The following MAP3K8 variants were observed in gnomAD, a reference collection of about 807,000 sequenced individuals.
The protein encoded by MAP3K8 is Ewing sarcoma transformant.
In MAP3K8, 22 loss-of-function variants were observed where a neutral mutation model predicts 45.8. The ratio of observed to expected loss-of-function variants is 0.48; its 90% CI spans 0.34 to 0.69. The LOEUF (loss-of-function observed/expected upper bound fraction) is 0.69. Among genes scored for constraint, MAP3K8 ranks in the 30% least tolerant of loss-of-function variants. The pLI, the probability that MAP3K8 is intolerant of heterozygous loss-of-function variation, is 0.01. For synonymous variants in MAP3K8, 223 were observed against 214.3 expected, an observed-to-expected ratio of 1.04 and a Z score of -0.36; for missense variants, 419 against 585.0, an observed-to-expected ratio of 0.72 and a Z score of 2.93.
intron 3 of MAP3K8, among the ~76,000 whole-genome samples, chr10:30,440,419 T>A (rs1836061673): frequency 6.6e-6 from 1 of 152,158 alleles, no homozygotes; most frequent in African/African-American, 2.4e-5. Context: ...ATTATTTTGC[T>A]TTTTTGCATA....
intron 1 of MAP3K8, among the ~76,000 whole-genome samples, chr10:30,436,373 T>A (rs759893157): frequency 7.9e-5 from 12 of 152,142 alleles, no homozygotes; most frequent in Admixed American, 6.5e-4. Context: ...GAACGTAGAT[T>A]TGCGTGACAG....
In MAP3K8 at chr10:30,444,204, T is replaced by A. The variant is rs769785247; in HGVS notation, c.337-3578T>A. Among the ~76,000 whole-genome samples the A allele has an allele frequency of 4.3e-3, 644 of 149,522 alleles. 5 individuals carry two copies. The highest frequency in any genetic ancestry group is 0.014 in the African/African-American group (565 of 40,430). On this transcript the variant is annotated intron_variant, in intron 3 of 8. Coordinates refer to ENST00000263056, the MANE Select transcript of MAP3K8 (RefSeq NM_005204.4). ...GACCCTGTCTTAAAAAAAAAAAAAATTTATACGGGCCCCTAGAAAGAAGAA... is the reference window on the plus strand; with the variant it reads ...GACCCTGTCTTAAAAAAAAAAAAAAATTATACGGGCCCCTAGAAAGAAGAA...
At chr10:30,446,124 C>A (rs1836322841) in intron 3 of MAP3K8, among the ~76,000 whole-genome samples, 1 of 152,180 alleles carries the variant, frequency 6.6e-6, no homozygotes, top group South Asian at 2.1e-4. Context: ...AACTCCTGGC[C>A]TCAAGTAGTC....
chr10:30,450,309 C>T lies in MAP3K8; in HGVS notation c.556C>T (p.Arg186Trp), dbSNP rs761970221. ...PSDVEIQACF[R>W]HENIAELYGA... ...TGATGTGGAAATCCAGGCTTGCTTCCGGCACGAGAACATCGCAGAGCTGTA... is the reference window on the plus strand; with the variant it reads ...TGATGTGGAAATCCAGGCTTGCTTCTGGCACGAGAACATCGCAGAGCTGTA... Residue 186 changes from arginine to tryptophan, a missense_variant, in exon 5 of 9, where the codon CGG becomes TGG. By Grantham distance (101) the Arg-to-Trp change is moderately radical. This residue lies in a region of MAP3K8 where 209 missense variants were observed against 367.3 expected (regional missense o/e 0.57). Transcript: ENST00000263056. 4 of 1,611,642 alleles carry T rather than the reference C, an allele frequency of 2.5e-6. No individual in the cohort carries two copies. Among genetic ancestry groups the T allele is most frequent in the East Asian group, 2.2e-5 (1 of 44,806 alleles).
At chr10:30,458,339 C>G in intron 7 of MAP3K8, 103 bp downstream of exon 7, 1 of 672,342 alleles carries the variant, frequency 1.5e-6, no homozygotes, top group African/African-American at 1.8e-5. Context: ...CCACCCCCAT[C>G]TGAATGAGGC....
At chr10:30,435,259 C>T (rs1187607747) in intron 1 of MAP3K8, among the ~76,000 whole-genome samples, 2 of 152,186 alleles carry the variant, frequency 1.3e-5, no homozygotes, top group African/African-American at 4.8e-5. Flanking sequence ...TACCTGTGGC[C>T]TGAGTCGTTT....
intron 4 of MAP3K8, among the ~76,000 whole-genome samples, chr10:30,449,931 T>G (rs1174608406): frequency 2.6e-5 from 4 of 152,244 alleles, no homozygotes; most frequent in Non-Finnish European, 5.9e-5. Context: ...CCATAGATAC[T>G]GTTGTCTAAT....
At position 30,434,382 on chromosome 10, in the gene MAP3K8, A is replaced by T. The variant is rs569178534; in HGVS notation, c.-255+4A>T. 8.8e-6 allele frequency: 8 copies of T among 911,868 alleles called. No individual in the cohort carries two copies. The African/African-American group carries it at 1.3e-4, about 14-fold the overall frequency. The allele number at this position is 911,868 out of a possible 1,614,324, so 56.5% of individuals were successfully genotyped here. A position where few individuals can be genotyped will look rare whatever the true frequency, so the allele number is the denominator to read the frequency against. On this transcript the variant is annotated splice_donor_region_variant and intron_variant, in intron 1 of 8. Transcript: ENST00000263056. ...CGTGGGAGCGCCAAGGCCGCAGGTAATCCAGGGTTGGGGGTCTCCGGCGTG... is the reference window on the plus strand; with the variant it reads ...CGTGGGAGCGCCAAGGCCGCAGGTATTCCAGGGTTGGGGGTCTCCGGCGTG...
At chr10:30,440,859 A>AG (rs1326654800) in intron 3 of MAP3K8, among the ~76,000 whole-genome samples, 4 of 152,230 alleles carry the variant, frequency 2.6e-5, no homozygotes, top group African/African-American at 7.2e-5. Flanking sequence ...GAAAATATGC[A>AG]GAAAAAAAAC....
At chr10:30,450,590 C>A in intron 5 of MAP3K8, 71 bp downstream of exon 5, 1 of 1,440,092 alleles carries the variant, frequency 6.9e-7, no homozygotes, top group Non-Finnish European at 9.7e-7. Context: ...CAAGCTCCTT[C>A]CTGTAATCTG....
intron 7 of MAP3K8, 27 bp downstream of exon 7, chr10:30,458,263 G>C (rs570589417): frequency 7.7e-7 from 1 of 1,295,682 alleles, no homozygotes; most frequent in East Asian, 2.8e-5. Flanking sequence ...CAGGGCTGGG[G>C]GCGGCGGGGG....
chr10:30,441,745 C>G (rs1489941674), intron 3 of MAP3K8, among the ~76,000 whole-genome samples: 1 of 152,128 alleles, frequency 6.6e-6, no homozygotes, highest in East Asian at 1.9e-4. Context: ...CATCAGAGCT[C>G]CATGCTTCAT....
intron 3 of MAP3K8, among the ~76,000 whole-genome samples, chr10:30,444,888 C>A (rs916223849): frequency 6.6e-6 from 1 of 152,164 alleles, no homozygotes; most frequent in African/African-American, 2.4e-5. Flanking sequence ...GAGTTCAAAT[C>A]CTAATGCCAG....
In MAP3K8 at chr10:30,459,235, G is replaced by C. The variant is rs1297413350; in HGVS notation, c.1027-20G>C. Reference sequence around the variant, plus strand: ...TGTATCACCATACCTTTGATGCTAAGAGAGCTGGTTTGTTGATAGATCCAC... The same window carrying C: ...TGTATCACCATACCTTTGATGCTAACAGAGCTGGTTTGTTGATAGATCCAC... On this transcript the variant is annotated intron_variant, in intron 7 of 8. Transcript: ENST00000263056. 1 of 1,613,836 alleles carries C rather than the reference G, an allele frequency of 6.2e-7. No individual in the cohort carries two copies. The highest frequency in any genetic ancestry group is 1.1e-5 in the South Asian group (1 of 91,032).
At chr10:30,459,640 A>G in intron 8 of MAP3K8, 139 bp downstream of exon 8, 1 of 968,970 alleles carries the variant, frequency 1.0e-6, no homozygotes, top group Non-Finnish European at 1.5e-6. Flanking sequence ...GAGAAATTTC[A>G]GCAAGATTAG....
chr10:30,461,545 G>T lies in MAP3K8; in HGVS notation c.*709G>T. 1 of 193,140 alleles carries T rather than the reference G, an allele frequency of 5.2e-6. No individual in the cohort carries two copies. Among genetic ancestry groups the T allele is most frequent in the Non-Finnish European group, 1.1e-5 (1 of 92,358 alleles). The allele number at this position is 193,140 out of a possible 1,614,324, so 12.0% of individuals were successfully genotyped here. ...CACATAATTTTTGTACATCCCAAAG[G>T]ATGAGAATGTGACCTTTAAGAAAAA... On this transcript the variant is annotated 3_prime_UTR_variant, in exon 9 of 9. Transcript: ENST00000263056.
chr10:30,458,617 C>T (rs602097), intron 7 of MAP3K8, among the ~76,000 whole-genome samples: 82,222 of 152,086 alleles, frequency 0.54, 25,977 homozygotes, highest in Non-Finnish European at 0.71. Context: ...TGTAGTGGAA[C>T]ATGCAATTCC....
intron 6 of MAP3K8, among the ~76,000 whole-genome samples, chr10:30,455,362 T>C (rs1434152636): frequency 6.6e-6 from 1 of 152,214 alleles, no homozygotes; most frequent in East Asian, 1.9e-4. Flanking sequence ...AATTTGATCA[T>C]GTGGCTACTG....
chr10:30,459,158 A>T lies in MAP3K8; in HGVS notation c.1027-97A>T, dbSNP rs556893183. 53 of 1,364,316 alleles carry T rather than the reference A, an allele frequency of 3.9e-5. No homozygotes were observed. In the Admixed American group the frequency reaches 5.5e-4, roughly 14 times the overall value. The allele number at this position is 1,364,316 out of a possible 1,614,324, so 84.5% of individuals were successfully genotyped here. The stretch of plus-strand genomic sequence containing the variant: ...GCATTCGTTGCAGGGCATGTGGTGG[A>T]AAACGGATTACTTTCTAGGTCCTGG... On this transcript the variant is annotated intron_variant, in intron 7 of 8. Coordinates refer to ENST00000263056, the MANE Select transcript of MAP3K8 (RefSeq NM_005204.4).
Sources: allele counts gnomAD v4.1 joint callset (sites outside exome capture counted in the v4.1 genomes callset), GRCh38; gene constraint gnomAD v4.1.1; regional missense constraint gnomAD v4.1.1; transcripts MANE v1.5; gene names NCBI Gene and HGNC (gene_info 2026-07-23, HGNC 2026-07-21).